The following WDR45 variants were observed in gnomAD, a reference collection of about 807,000 sequenced individuals.
WDR45 encodes the protein WD repeat domain phosphoinositide-interacting protein 4.
Under a neutral mutation model 27.3 loss-of-function variants are expected in WDR45, and 2 were observed. That is an observed-to-expected ratio of 0.07 (90% CI 0.03 to 0.23). WDR45 has a LOEUF of 0.23. Among genes scored for constraint, WDR45 ranks in the 10% least tolerant of loss-of-function variants. WDR45 has a pLI of 1.00. For missense variants in WDR45, 175 were observed against 311.9 expected (o/e 0.56, Z 3.31); for synonymous variants, 99 against 119.2 (o/e 0.83, Z 1.11).
chrX:49,095,797 G>A (rs1171528575), intron 2 of WDR45, among the ~76,000 whole-genome samples: 4 of 59,962 alleles, frequency 6.7e-5, no homozygotes, highest in South Asian at 1.5e-3. Context: ...GCGGCATCTC[G>A]CTGTCACCCA....
At chrX:49,100,854 A>G (rs1602554807) in intron 1 of WDR45, 1 of 112,984 alleles carries the variant, frequency 8.9e-6, no homozygotes, top group East Asian at 2.8e-4. Context: ...TGCGAGGAAG[A>G]CCAGACACCC....
At chrX:49,097,828 T>C (rs1202574355) in intron 2 of WDR45, among the ~76,000 whole-genome samples, 1 of 107,861 alleles carries the variant, frequency 9.3e-6, no homozygotes, top group Non-Finnish European at 1.9e-5. Flanking sequence ...GGCTTATTTT[T>C]TGTATTTTTA....
intron 2 of WDR45, among the ~76,000 whole-genome samples, chrX:49,099,661 G>A (rs2065138165): frequency 9.1e-6 from 1 of 109,383 alleles, no homozygotes; most frequent in South Asian, 3.9e-4. Flanking sequence ...GGCGCCTGTA[G>A]TCCCAGCTAC....
intron 2 of WDR45, among the ~76,000 whole-genome samples, chrX:49,085,344 C>T (rs2147822974): frequency 8.9e-6 from 1 of 112,073 alleles, no homozygotes; most frequent in South Asian, 3.7e-4. Flanking sequence ...ACCCACCAAC[C>T]AGACTGGAAA....
intron 6 of WDR45, 115 bp downstream of exon 6, chrX:49,076,315 G>T: frequency 1.2e-6 from 1 of 808,473 alleles, no homozygotes; most frequent in Non-Finnish European, 1.8e-6. Context: ...GCATCTCCCT[G>T]CCTCTTTCCC....
Sources: gnomAD v4.1 joint callset for allele counts (sites outside exome capture counted in the v4.1 genomes callset) on GRCh38, gnomAD v4.1.1 for gene constraint, MANE v1.5 for transcripts, NCBI Gene and HGNC (gene_info 2026-07-23, HGNC 2026-07-21) for gene names.